The following TMIGD2 variants were observed in gnomAD, a reference collection of about 807,000 sequenced individuals.
The protein encoded by TMIGD2 is transmembrane and immunoglobulin domain containing 2.
Under a neutral mutation model 22.6 loss-of-function variants are expected in TMIGD2, and 18 were observed. That is an observed-to-expected ratio of 0.80 (90% confidence interval 0.55 to 1.18). TMIGD2 has a LOEUF of 1.18. Among genes scored for constraint, TMIGD2 ranks in the 50% most tolerant of loss-of-function variants. TMIGD2 has a pLI of 0.00. For missense variants in TMIGD2, 361 were observed against 378.2 expected (o/e 0.95, Z 0.38); for synonymous variants, 184 against 154.1 (o/e 1.19, Z -1.44).
intron 1 of TMIGD2, among the ~76,000 whole-genome samples, chr19:4,301,810 T>C (rs1007910502): frequency 1.1e-4 from 17 of 152,180 alleles, no homozygotes; most frequent in Non-Finnish European, 1.6e-4. Flanking sequence ...TTGTCCTTAA[T>C]TGGAAACACA....
chr19:4,296,676 C>G (rs955739831), intron 2 of TMIGD2, among the ~76,000 whole-genome samples: 10 of 151,334 alleles, frequency 6.6e-5, no homozygotes, highest in Non-Finnish European at 1.5e-4. Context: ...GTGGGTAACA[C>G]AGCCATAACA....
intron 4 of TMIGD2, among the ~76,000 whole-genome samples, chr19:4,293,323 C>T (rs1288839581): frequency 1.5e-5 from 2 of 137,788 alleles, no homozygotes; most frequent in East Asian, 2.3e-4. Flanking sequence ...AGCAGCGGTG[C>T]GATCTCAGCT....
chr19:4,295,353 G>A lies in TMIGD2; in HGVS notation c.407-537C>T, dbSNP rs948158418. ...AGGTAGGCGGATCACAAGGTCAGGC[G>A]ATCGAGACCATCCTGGCTAACACAG... On this transcript the variant is annotated intron_variant, in intron 2 of 4. Coordinates refer to ENST00000301272, the Ensembl canonical transcript of TMIGD2. Among the ~76,000 whole-genome samples, 8 of 150,670 alleles carry A rather than the reference G, an allele frequency of 5.3e-5. No individual in the cohort carries two copies. The East Asian group carries it at 9.8e-4, about 18-fold the overall frequency.
rs61753883 is a variant in TMIGD2, at chr19:4,298,295, G to T, written c.97C>A (p.Gln33Lys). The change falls in exon 2 of 5, where the codon CAG becomes AAG. Residue 33 changes from glutamine to lysine, a missense_variant. By Grantham distance (53) the Gln-to-Lys change is moderately conservative. Transcript: ENST00000301272. ...GTCGCCTGACTGCCCTGCCTCACCTGCAGCAAGTTGGGCCCCTGCTGCACG... is the reference window on the plus strand; with the variant it reads ...GTCGCCTGACTGCCCTGCCTCACCTTCAGCAAGTTGGGCCCCTGCTGCACG... The T allele has an allele frequency of 1.2e-3, 1,977 of 1,604,918 alleles. 24 individuals carry two copies. The African/African-American group carries it at 0.024, about 19-fold the overall frequency.
intron 1 of TMIGD2, among the ~76,000 whole-genome samples, chr19:4,301,747 G>A (rs186523006): frequency 5.9e-5 from 9 of 152,294 alleles, no homozygotes; most frequent in Admixed American, 2.0e-4. Context: ...CAGAGGAGAG[G>A]GAAAGAGGAA....
intron 1 of TMIGD2, among the ~76,000 whole-genome samples, chr19:4,300,547 CTG>C (rs1444938907): frequency 6.6e-6 from 1 of 152,212 alleles, no homozygotes; most frequent in Admixed American, 6.6e-5. Context: ...CAGAGCGAGA[CTG>C]TGTCTCAAAA....
chr19:4,298,155 C>A (rs375107534), exon 2 of TMIGD2: 1 of 1,613,370 alleles, frequency 6.2e-7, no homozygotes, highest in South Asian at 1.1e-5. Flanking sequence ...GCCCGCAGAC[C>A]CCCAGGCTGA....
rs1971547049 is a variant in TMIGD2, at chr19:4,302,276, G to GGGCT, written c.46+63_46+64insAGCC. On this transcript the variant is annotated intron_variant, in intron 1 of 4. Coordinates refer to ENST00000301272, the Ensembl canonical transcript of TMIGD2. ...AAGTTTAGAGGGGCCCTGAGCTGGG[G>GGGCT]GGCAGGCAGCTGGGGATGACAGCAA... 4.6e-6 allele frequency: 7 copies of GGGCT among 1,515,636 alleles called. No homozygotes were observed. In the Admixed American group the frequency reaches 1.2e-4, roughly 27 times the overall value. The allele number at this position is 1,515,636 out of a possible 1,614,324, so 93.9% of individuals were successfully genotyped here.
chr19:4,295,857 A>G (rs1325028135), intron 2 of TMIGD2, among the ~76,000 whole-genome samples: 2 of 152,144 alleles, frequency 1.3e-5, no homozygotes, highest in Admixed American at 1.3e-4. Context: ...CGGAGATCCT[A>G]ACACTGAAGT....
chr19:4,293,004 C>T, intron 4 of TMIGD2, 119 bp from the exon 5 acceptor site: 1 of 1,482,296 alleles, frequency 6.7e-7, no homozygotes, highest in Non-Finnish European at 9.1e-7. Context: ...CACTCTGTCG[C>T]CCAGGCTGGA....
intron 4 of TMIGD2, 82 bp downstream of exon 4, chr19:4,294,497 G>T: frequency 7.4e-7 from 1 of 1,346,662 alleles, no homozygotes. Context: ...CCCCCAGGCG[G>T]GAGCACAGAT....
At chr19:4,292,600 C>T (rs888932) in exon 5 of TMIGD2, 488,327 of 1,611,702 alleles carry the variant, frequency 0.3, 82,613 homozygotes, top group African/African-American at 0.71. Context: ...TGGGATCTCT[C>T]ACTCCTCTCC....
chr19:4,292,738 G>A (rs575279420), exon 5 of TMIGD2: 7 of 1,610,242 alleles, frequency 4.3e-6, no homozygotes, highest in East Asian at 2.2e-5. Context: ...GGGTCTTGAC[G>A]CCAGGTGCGG....
exon 2 of TMIGD2, chr19:4,298,320 G>A (rs778907337): frequency 2.2e-5 from 35 of 1,592,134 alleles, no homozygotes; most frequent in African/African-American, 4.0e-5. Flanking sequence ...CCTGCTGCAC[G>A]CTCAGGCTTG....
chr19:4,297,400 C>T (rs540155402), intron 2 of TMIGD2, among the ~76,000 whole-genome samples: 79 of 142,036 alleles, frequency 5.6e-4, no homozygotes, highest in Non-Finnish European at 9.6e-4. Context: ...GACAGGGTCT[C>T]GCTCTGTCGC....
chr19:4,293,716 C>T (rs749249297), intron 4 of TMIGD2, among the ~76,000 whole-genome samples: 39 of 152,000 alleles, frequency 2.6e-4, no homozygotes, highest in Non-Finnish European at 5.1e-4. Flanking sequence ...CACACCTCAG[C>T]CTCCCAAGTA....
At chr19:4,297,532 G>A (rs984957898) in intron 2 of TMIGD2, among the ~76,000 whole-genome samples, 28 of 152,262 alleles carry the variant, frequency 1.8e-4, no homozygotes, top group African/African-American at 6.3e-4. Flanking sequence ...ACTATGCCTG[G>A]CTGATGACTT....
chr19:4,298,184 A>C, exon 2 of TMIGD2: 1 of 1,613,398 alleles, frequency 6.2e-7, no homozygotes, highest in Non-Finnish European at 8.5e-7. Context: ...TTGGTGATGT[A>C]CGGTTGACAC....
exon 5 of TMIGD2, chr19:4,292,675 A>T (rs1304394601): frequency 6.2e-7 from 1 of 1,605,120 alleles, no homozygotes; most frequent in South Asian, 1.1e-5. Context: ...GACCCTGACC[A>T]TAGAGACGGG....
Sources: allele counts gnomAD v4.1 joint callset (sites outside exome capture counted in the v4.1 genomes callset), GRCh38; gene constraint gnomAD v4.1.1; transcripts MANE v1.5; gene names NCBI Gene and HGNC (gene_info 2026-07-23, HGNC 2026-07-21).